Variants in DAPK2 observed in about 807,000 individuals in gnomAD.
DAPK2 encodes death associated protein kinase 2.
In DAPK2, 35 loss-of-function variants were observed where a neutral mutation model predicts 44.1. That is an observed-to-expected ratio of 0.79 (90% CI 0.61 to 1.05). DAPK2 has a LOEUF of 1.05. Among genes scored for constraint, DAPK2 ranks in the 50% least tolerant of loss-of-function variants. DAPK2 has a pLI of 0.00. For missense variants in DAPK2, 453 were observed against 483.2 expected, an observed-to-expected ratio of 0.94 and a Z score of 0.59; for synonymous variants, 174 against 182.6, an observed-to-expected ratio of 0.95 and a Z score of 0.38.
intron 8 of DAPK2, chr15:63,920,342 A>T (rs939206800): frequency 2.0e-5 from 3 of 152,148 alleles, no homozygotes; most frequent in Non-Finnish European, 2.9e-5. Flanking sequence ...TTTAGTGTCA[A>T]GGTTGAGATG....
At chr15:64,029,748 T>C (rs1482318349) in intron 1 of DAPK2, 1 of 152,316 alleles carries the variant, frequency 6.6e-6, no homozygotes, top group Admixed American at 6.5e-5. Context: ...CACATACTCA[T>C]AAGCTCCTTC....
intron 1 of DAPK2, among the ~76,000 whole-genome samples, chr15:64,025,204 C>A (rs2079803842): frequency 6.6e-6 from 1 of 152,158 alleles, no homozygotes; most frequent in Admixed American, 6.5e-5. Flanking sequence ...CAGACACTTA[C>A]CAAGGTAAGT....
rs1417187090 is a variant in DAPK2 at position 64,046,287 on chromosome 15, G to T, written c.-7+11C>A. 1.2e-5 allele frequency: 12 copies of T among 982,700 alleles called. No individual in the cohort carries two copies. Among genetic ancestry groups the T allele is most frequent in the Non-Finnish European group, 1.2e-6 (1 of 828,166 alleles). 60.9% of individuals were successfully genotyped at this position (982,700 alleles called of 1,614,324 possible). A position where few individuals can be genotyped will look rare whatever the true frequency, so the allele number is the denominator to read the frequency against. The stretch of plus-strand genomic sequence containing the variant: ...TCCCGCCCATCGAGCCCGCAGACGG[G>T]TGCTACTCACGGCGGGAGGCTGAGC... On this transcript the variant is annotated intron_variant, in intron 1 of 11. Coordinates refer to the DAPK2 transcript ENST00000457488. This position sits in a 1 kb window ranked among gnomAD's most constrained non-coding sequence, Gnocchi z 5.3.
intron 5 of DAPK2, among the ~76,000 whole-genome samples, chr15:63,930,016 AT>A (rs2079480237): frequency 6.6e-6 from 1 of 152,372 alleles, no homozygotes; most frequent in East Asian, 1.9e-4. Flanking sequence ...TCCCTGCAGT[AT>A]CCACAGGCCC....
chr15:63,985,430 A>T (rs1218467532), intron 1 of DAPK2, among the ~76,000 whole-genome samples: 1 of 152,210 alleles, frequency 6.6e-6, no homozygotes, highest in African/African-American at 2.4e-5. Context: ...GTAGGTGCCA[A>T]CAAACACTTG....
chr15:63,953,433 TG>T (rs1341627190), intron 3 of DAPK2, among the ~76,000 whole-genome samples: 3 of 152,224 alleles, frequency 2.0e-5, no homozygotes, highest in Non-Finnish European at 4.4e-5. Flanking sequence ...CCATCCAAGT[TG>T]TTGCATATGA....
At chr15:63,964,933 C>A (rs1363602689) in intron 3 of DAPK2, among the ~76,000 whole-genome samples, 1 of 152,138 alleles carries the variant, frequency 6.6e-6, no homozygotes, top group Non-Finnish European at 1.5e-5. Context: ...CTCTGTCTCT[C>A]CAGGATTGGT....
intron 3 of DAPK2, among the ~76,000 whole-genome samples, chr15:63,949,391 A>G (rs1037059715): frequency 2.6e-5 from 4 of 152,236 alleles, no homozygotes; most frequent in Non-Finnish European, 5.9e-5. Flanking sequence ...TCCTGGGCTA[A>G]GCAGCACACT....
At chr15:63,945,002 C>G (rs909389167) in intron 3 of DAPK2, among the ~76,000 whole-genome samples, 1 of 152,184 alleles carries the variant, frequency 6.6e-6, no homozygotes, top group Non-Finnish European at 1.5e-5. Context: ...CCTCTTCCCC[C>G]TCAACCCTGC....
At chr15:64,016,778 GAAGA>G (rs1416795403) in intron 1 of DAPK2, among the ~76,000 whole-genome samples, 1 of 150,130 alleles carries the variant, frequency 6.7e-6, no homozygotes, top group Non-Finnish European at 1.5e-5. Flanking sequence ...GGGTGGCAGA[GAAGA>G]AAGAAAGGAG....
intron 8 of DAPK2, chr15:63,918,025 C>A (rs1025564849): frequency 6.6e-6 from 1 of 152,188 alleles, no homozygotes; most frequent in Non-Finnish European, 1.5e-5. Flanking sequence ...GTTTGTTCAA[C>A]GGGACTGGAC....
intron 1 of DAPK2, among the ~76,000 whole-genome samples, chr15:64,014,281 G>C (rs1373990649): frequency 6.6e-6 from 1 of 152,354 alleles, no homozygotes; most frequent in East Asian, 1.9e-4. Context: ...CATTTATGTT[G>C]GTCCAGGCCC....
At chr15:63,977,502 T>G (rs2078386133) in intron 2 of DAPK2, among the ~76,000 whole-genome samples, 1 of 140,154 alleles carries the variant, frequency 7.1e-6, no homozygotes, top group Non-Finnish European at 1.6e-5. Flanking sequence ...CTTTTCTTCT[T>G]GTGAAACAGG....
intron 3 of DAPK2, among the ~76,000 whole-genome samples, chr15:63,965,820 C>T (rs1336422816): frequency 6.6e-6 from 1 of 152,232 alleles, no homozygotes; most frequent in Non-Finnish European, 1.5e-5. Context: ...GTGGTGAATA[C>T]TGCCAGGCGT....
chr15:63,972,887 G>C (rs1260199426), intron 2 of DAPK2, among the ~76,000 whole-genome samples: 1 of 152,152 alleles, frequency 6.6e-6, no homozygotes, highest in Non-Finnish European at 1.5e-5. Context: ...AGATTAATAT[G>C]GCTCTCCAGG....
At chr15:64,038,795 T>G (rs1365779722) in intron 1 of DAPK2, among the ~76,000 whole-genome samples, 1 of 151,934 alleles carries the variant, frequency 6.6e-6, no homozygotes, top group Non-Finnish European at 1.5e-5. Flanking sequence ...AGAAAATAAA[T>G]CTTGGGGCCC....
chr15:63,962,523 G>A (rs2077935935), intron 3 of DAPK2, among the ~76,000 whole-genome samples: 1 of 152,150 alleles, frequency 6.6e-6, no homozygotes, highest in Admixed American at 6.5e-5. Flanking sequence ...GTACAAATGG[G>A]GTTTTGGTGT....
intron 1 of DAPK2, among the ~76,000 whole-genome samples, chr15:64,005,170 C>T (rs11633496): frequency 1.3e-5 from 2 of 151,744 alleles, no homozygotes; most frequent in Admixed American, 6.6e-5. Context: ...TGAGTGAACC[C>T]AATACCCATC....
At chr15:63,973,287 G>C (rs1158659585) in intron 2 of DAPK2, among the ~76,000 whole-genome samples, 1 of 152,212 alleles carries the variant, frequency 6.6e-6, no homozygotes. Context: ...TGGGCCCCTG[G>C]GCAGAGAACT....
Sources: gnomAD v4.1 joint callset for allele counts (sites outside exome capture counted in the v4.1 genomes callset) on GRCh38, gnomAD v4.1.1 for gene constraint, Gnocchi (gnomAD v3.1) non-coding constraint, MANE v1.5 for transcripts, NCBI Gene and HGNC (gene_info 2026-07-23, HGNC 2026-07-21) for gene names.